The following NXPE2 variants were observed in gnomAD, a reference collection of about 807,000 sequenced individuals.
The protein encoded by NXPE2 is neurexophilin and PC-esterase domain family member 2, also known as NXPE family member 2.
Under a neutral mutation model 34.4 loss-of-function variants are expected in NXPE2, and 34 were observed. The observed-to-expected ratio is 0.99, with a 90% confidence interval of 0.75 to 1.31. NXPE2 has a LOEUF of 1.31. Ranked by LOEUF, NXPE2 falls within the 40% of genes most tolerant of loss-of-function variation. The pLI, the probability that NXPE2 is intolerant of heterozygous loss-of-function variation, is 0.00. For synonymous variants in NXPE2, 235 were observed against 231.3 expected (o/e 1.02, Z -0.15); for missense variants, 649 against 672.5 (o/e 0.97, Z 0.39).
chr11:114,608,681 C>A, the NXPE2 span, among the ~76,000 whole-genome samples: 2 of 151,852 alleles, frequency 1.3e-5, no homozygotes, highest in African/African-American at 2.4e-5. Flanking sequence ...ATAAGCATTG[C>A]CTCCCAGGTA....
At chr11:114,522,641 C>T in the NXPE2 span, 14 of 760,390 alleles carry the variant, frequency 1.8e-5, 1 homozygote, top group Non-Finnish European at 2.5e-5. Context: ...GGGTACAGTA[C>T]CCCCAGTTCA....
chr11:114,653,538 T>C, the NXPE2 span, among the ~76,000 whole-genome samples: 1 of 149,170 alleles, frequency 6.7e-6, no homozygotes, highest in African/African-American at 2.5e-5. Context: ...TTTCCCTTTT[T>C]TTTTTTTTTT....
the NXPE2 span, among the ~76,000 whole-genome samples, chr11:114,585,411 A>G: frequency 5.3e-4 from 80 of 152,168 alleles, no homozygotes; most frequent in Non-Finnish European, 8.7e-4. Context: ...GGACACACAT[A>G]GACTGAAAGT....
At chr11:114,791,429 G>T in the NXPE2 span, among the ~76,000 whole-genome samples, 2 of 152,202 alleles carry the variant, frequency 1.3e-5, no homozygotes, top group African/African-American at 4.8e-5. Flanking sequence ...CACCACAGTT[G>T]TCTCCTGGCC....
chr11:114,507,093 A>G, the NXPE2 span, among the ~76,000 whole-genome samples: 5 of 152,072 alleles, frequency 3.3e-5, no homozygotes, highest in African/African-American at 1.2e-4. Flanking sequence ...TATTATAAAC[A>G]CCTCTATGTA....
chr11:114,619,458 C>T, the NXPE2 span, among the ~76,000 whole-genome samples: 1,971 of 149,268 alleles, frequency 0.013, 25 homozygotes, highest in African/African-American at 0.048. Context: ...ATAAGTGTTG[C>T]CTCGTGGGTA....
At chr11:114,471,649 G>A in the NXPE2 span, among the ~76,000 whole-genome samples, 5 of 152,104 alleles carry the variant, frequency 3.3e-5, no homozygotes, top group African/African-American at 9.7e-5. Context: ...AAGAAAACCC[G>A]TTTAATCAAG....
the NXPE2 span, among the ~76,000 whole-genome samples, chr11:114,629,305 CA>C: frequency 5.3e-5 from 8 of 152,128 alleles, no homozygotes; most frequent in South Asian, 1.7e-3. Context: ...AGCAGCACAT[CA>C]AAAAGCTTAT....
At chr11:114,796,922 G>A in the NXPE2 span, among the ~76,000 whole-genome samples, 1 of 152,212 alleles carries the variant, frequency 6.6e-6, no homozygotes, top group Non-Finnish European at 1.5e-5. Flanking sequence ...AAAGTATGGT[G>A]AGTCTGCAGG....
chr11:114,751,427 G>C, the NXPE2 span, among the ~76,000 whole-genome samples: 2 of 152,020 alleles, frequency 1.3e-5, no homozygotes, highest in East Asian at 3.9e-4. Context: ...TATTCCTTTA[G>C]ACACTGAATA....
chr11:114,690,174 C>T (rs776859581), intron 2 of NXPE2, among the ~76,000 whole-genome samples: 1 of 152,064 alleles, frequency 6.6e-6, no homozygotes, highest in African/African-American at 2.4e-5. Flanking sequence ...TGAGGGGTTA[C>T]TTTATGGGAT....
the NXPE2 span, among the ~76,000 whole-genome samples, chr11:114,619,949 TAA>T: frequency 6.6e-6 from 1 of 151,862 alleles, no homozygotes; most frequent in Non-Finnish European, 1.5e-5. Flanking sequence ...CGGTGGATAA[TAA>T]GTGTTGCCTC....
the NXPE2 span, among the ~76,000 whole-genome samples, chr11:114,625,406 C>A: frequency 6.6e-6 from 1 of 152,144 alleles, no homozygotes; most frequent in African/African-American, 2.4e-5. Flanking sequence ...TAAGTATTGC[C>A]TCATGGGCAA....
At chr11:114,742,875 A>G in the NXPE2 span, among the ~76,000 whole-genome samples, 820 of 152,236 alleles carry the variant, frequency 5.4e-3, 5 homozygotes, top group African/African-American at 0.018. Context: ...GGGTTTGACC[A>G]ATTCCAACAG....
chr11:114,738,578 C>G, the NXPE2 span, among the ~76,000 whole-genome samples: 6 of 152,168 alleles, frequency 3.9e-5, no homozygotes, highest in Admixed American at 3.9e-4. Context: ...TGATCCCAGA[C>G]TGTTTGCTCC....
chr11:114,469,631 A>G, the NXPE2 span, among the ~76,000 whole-genome samples: 7 of 150,614 alleles, frequency 4.6e-5, no homozygotes, highest in Non-Finnish European at 7.4e-5. Context: ...CTGGGATTAC[A>G]TGCACCCCCC....
At chr11:114,662,025 C>T in the NXPE2 span, among the ~76,000 whole-genome samples, 1 of 152,220 alleles carries the variant, frequency 6.6e-6, no homozygotes, top group South Asian at 2.1e-4. Flanking sequence ...TCTCCACCTA[C>T]CCCCCGCAAG....
At chr11:114,527,635 T>G in the NXPE2 span, among the ~76,000 whole-genome samples, 2,085 of 152,306 alleles carry the variant, frequency 0.014, 51 homozygotes, top group African/African-American at 0.048. Flanking sequence ...ACTAATACTT[T>G]CTCCTTTTGG....
At chr11:114,621,271 A>G in the NXPE2 span, among the ~76,000 whole-genome samples, 1 of 152,154 alleles carries the variant, frequency 6.6e-6, no homozygotes, top group Admixed American at 6.5e-5. Context: ...CCTCATGGGT[A>G]ACCACTGTTA....
Sources: allele counts gnomAD v4.1 joint callset (sites outside exome capture counted in the v4.1 genomes callset), GRCh38; gene constraint gnomAD v4.1.1; transcripts MANE v1.5; gene names NCBI Gene and HGNC (gene_info 2026-07-23, HGNC 2026-07-21).